C1QB: variants seen among roughly 807,000 people sequenced by gnomAD.
C1QB encodes the protein complement C1q subcomponent subunit B.
C1QB carries 2 observed loss-of-function variants against 4.6 expected under a neutral mutation model. The observed-to-expected ratio is 0.43, with a 90% confidence interval of 0.18 to 1.36. The LOEUF (loss-of-function observed/expected upper bound fraction) is 1.36, where lower values mean the gene tolerates loss of function less well. Among genes scored for constraint, C1QB ranks in the 40% most tolerant of loss-of-function variants. The pLI is 0.28. For missense variants in C1QB, 292 were observed against 338.0 expected (o/e 0.86, Z 1.07); for synonymous variants, 132 against 137.1 (o/e 0.96, Z 0.26).
At position 22,661,423 on chromosome 1, in the gene C1QB, G is replaced by A; in HGVS notation, c.*37G>A. 6.2e-7 allele frequency: 1 copy of A among 1,611,196 alleles called. No individual in the cohort carries two copies. Among genetic ancestry groups the A allele is most frequent in the Non-Finnish European group, 8.5e-7 (1 of 1,178,338 alleles). On this transcript the variant is annotated 3_prime_UTR_variant, in exon 3 of 3. Coordinates refer to ENST00000509305, the MANE Select transcript of C1QB (RefSeq NM_001378156.1). ...CTTCACATCCACCCCGGCTCCCCCTGCCAGCAACGCTCACTCTACCCCCAA... is the reference window on the plus strand; with the variant it reads ...CTTCACATCCACCCCGGCTCCCCCTACCAGCAACGCTCACTCTACCCCCAA...
intron 1 of C1QB, among the ~76,000 whole-genome samples, chr1:22,659,141 A>AATG (rs1642576381): frequency 7.7e-6 from 1 of 130,152 alleles, no homozygotes; most frequent in African/African-American, 3.0e-5. Flanking sequence ...TGGATGGATG[A>AATG]ATGGATGGAT....
intron 1 of C1QB, among the ~76,000 whole-genome samples, chr1:22,657,558 G>T (rs1035382823): frequency 1.3e-5 from 2 of 152,120 alleles, no homozygotes; most frequent in African/African-American, 4.8e-5. Context: ...GGGACAGAAA[G>T]CAGATTCATG....
chr1:22,657,264 A>G (rs758496075), intron 1 of C1QB, among the ~76,000 whole-genome samples: 1 of 152,106 alleles, frequency 6.6e-6, no homozygotes, highest in East Asian at 1.9e-4. Flanking sequence ...CCATCAATCA[A>G]TCATTAGCAT....
At chr1:22,660,494 G>T (rs1429569356) in intron 2 of C1QB, among the ~76,000 whole-genome samples, 2 of 152,092 alleles carry the variant, frequency 1.3e-5, no homozygotes, top group African/African-American at 4.8e-5. Context: ...AGGGATAGAG[G>T]GAGACAGCAC....
intron 1 of C1QB, among the ~76,000 whole-genome samples, chr1:22,656,393 G>A (rs780108910): frequency 2.0e-5 from 3 of 152,140 alleles, no homozygotes; most frequent in Admixed American, 6.5e-5. Flanking sequence ...TAAACAAATA[G>A]CCAAGCGAGA....
In C1QB at chr1:22,659,578, C is replaced by A; in HGVS notation, c.116C>A (p.Pro39Gln). ...GGGCCCCCAGCCATCCCTGGCATCC[C>A]GGGTATCCCTGGGACACCTGGCCCC... ...CTGPPAIPGIPGIPGTPGPDG... is the reference protein window; with the variant it reads ...CTGPPAIPGIQGIPGTPGPDG... Residue 39 changes from proline (P) to glutamine (Q), a missense_variant, in exon 2 of 3, where the codon CCG becomes CAG. By Grantham distance (76) the Pro-to-Gln change is moderately conservative. Transcript: ENST00000509305. 8.1e-6 allele frequency: 13 copies of A among 1,613,986 alleles called. No homozygotes were observed. The highest frequency in any genetic ancestry group is 1.1e-5 in the Non-Finnish European group (13 of 1,179,952).
In C1QB at chr1:22,659,567, C is replaced by T. The variant is rs1642589960; in HGVS notation, c.105C>T (p.Ile35=). 1.9e-6 allele frequency: 3 copies of T among 1,613,926 alleles called. No individual in the cohort carries two copies. The highest frequency in any genetic ancestry group is 2.5e-6 in the Non-Finnish European group (3 of 1,179,968). Residue 35 remains isoleucine, a synonymous_variant, in exon 2 of 3, where the codon ATC becomes ATT. Transcript: ENST00000509305. The part of the protein sequence containing the change: ...AQLSCTGPPA[I]PGIPGIPGTP... The stretch of plus-strand genomic sequence containing the variant: ...TCAGCTGCACCGGGCCCCCAGCCAT[C>T]CCTGGCATCCCGGGTATCCCTGGGA...
At chr1:22,657,786 T>C (rs976792870) in intron 1 of C1QB, among the ~76,000 whole-genome samples, 3 of 152,218 alleles carry the variant, frequency 2.0e-5, no homozygotes, top group African/African-American at 7.2e-5. Context: ...AGGGTTAAAC[T>C]AGATGAACTT....
intron 1 of C1QB, among the ~76,000 whole-genome samples, chr1:22,659,154 A>C (rs780512286): frequency 2.1e-5 from 3 of 139,810 alleles, no homozygotes; most frequent in Non-Finnish European, 4.6e-5. Context: ...GGATGGATGC[A>C]GATAGAGGGA....
intron 1 of C1QB, among the ~76,000 whole-genome samples, chr1:22,657,980 A>T (rs776099465): frequency 9.2e-5 from 14 of 152,138 alleles, no homozygotes; most frequent in South Asian, 2.1e-4. Context: ...TGGCAGGGAC[A>T]TCGGCTTCAT....
chr1:22,661,235 C>A lies in C1QB; in HGVS notation c.605C>A (p.Thr202Asn), dbSNP rs763937694. Residue 202 changes from threonine to asparagine, a missense_variant, in exon 3 of 3, where the codon ACC becomes AAC. By Grantham distance (65) the Thr-to-Asn change is moderately conservative. Transcript: ENST00000509305. ...ACCTTCTGTGACTATGCCTACAACA[C>A]CTTCCAGGTCACCACCGGTGGCATG... ...VVTFCDYAYNTFQVTTGGMVL... is the reference protein window; with the variant it reads ...VVTFCDYAYNNFQVTTGGMVL... 1 of 1,613,326 alleles carries A rather than the reference C, an allele frequency of 6.2e-7. No individual in the cohort carries two copies. Among genetic ancestry groups the A allele is most frequent in the Non-Finnish European group, 8.5e-7 (1 of 1,179,356 alleles).
At chr1:22,655,926 G>A (rs1189409513) in intron 1 of C1QB, among the ~76,000 whole-genome samples, 1 of 152,202 alleles carries the variant, frequency 6.6e-6, no homozygotes, top group Non-Finnish European at 1.5e-5. Flanking sequence ...TTGGATCTGG[G>A]CAAAGGTGGA....
chr1:22,655,144 C>T (rs920432188), intron 1 of C1QB, among the ~76,000 whole-genome samples: 2 of 152,198 alleles, frequency 1.3e-5, no homozygotes, highest in African/African-American at 4.8e-5. Context: ...CCATCTGGCT[C>T]AGAGCCTGGC....
chr1:22,657,983 G>A (rs1019133046), intron 1 of C1QB, among the ~76,000 whole-genome samples: 20 of 152,072 alleles, frequency 1.3e-4, no homozygotes, highest in African/African-American at 3.9e-4. Context: ...CAGGGACATC[G>A]GCTTCATTCC....
At chr1:22,653,716 C>T (rs2148301130) in intron 1 of C1QB, among the ~76,000 whole-genome samples, 2 of 152,298 alleles carry the variant, frequency 1.3e-5, no homozygotes, top group South Asian at 4.1e-4. Flanking sequence ...TAGTGCATGC[C>T]CTGGCTCAAA....
At chr1:22,660,725 G>C in intron 2 of C1QB, 87 bp from the exon 3 acceptor site, 1 of 1,341,534 alleles carries the variant, frequency 7.5e-7, no homozygotes, top group East Asian at 2.3e-5. Context: ...GAGGCTCAGA[G>C]AGAGGCAGGG....
At chr1:22,659,919 A>G (rs137898683) in intron 2 of C1QB, among the ~76,000 whole-genome samples, 168 of 152,294 alleles carry the variant, frequency 1.1e-3, no homozygotes, top group African/African-American at 3.9e-3. Flanking sequence ...ATTCAGGTGG[A>G]GAGGGAGTGC....
At chr1:22,654,392 T>TCA (rs1464239189) in intron 1 of C1QB, among the ~76,000 whole-genome samples, 10 of 152,022 alleles carry the variant, frequency 6.6e-5, no homozygotes, top group Admixed American at 6.6e-4. Flanking sequence ...CACCAACTGG[T>TCA]CACAGCTCTC....
At chr1:22,654,707 A>C (rs184915233) in intron 1 of C1QB, among the ~76,000 whole-genome samples, 59 of 152,314 alleles carry the variant, frequency 3.9e-4, no homozygotes, top group Non-Finnish European at 7.3e-4. Flanking sequence ...CCCTTAGCTA[A>C]GAAGCAGTAG....
Sources: allele counts gnomAD v4.1 joint callset (sites outside exome capture counted in the v4.1 genomes callset), GRCh38; gene constraint gnomAD v4.1.1; transcripts MANE v1.5; gene names NCBI Gene and HGNC (gene_info 2026-07-23, HGNC 2026-07-21).